NFKB1: variants seen among roughly 807,000 people sequenced by gnomAD.
NFKB1 encodes the protein nuclear factor kappa B subunit 1.
In NFKB1, 9 loss-of-function variants were observed where a neutral mutation model predicts 105.1. The ratio of observed to expected loss-of-function variants is 0.09; its 90% CI spans 0.05 to 0.15. NFKB1 has a LOEUF of 0.15. NFKB1 is among the 10% of genes least tolerant of loss of function. NFKB1 has a pLI of 1.00. For synonymous variants in NFKB1, 440 were observed against 442.2 expected (o/e 1.00, Z 0.06); for missense variants, 830 against 1,203.7 (o/e 0.69, Z 4.59).
rs768698948 is a variant in NFKB1, at chr4:102,579,012, G to T, written c.703G>T (p.Val235Leu). The change falls in exon 8 of 24, where the codon GTG becomes TTG. Residue 235 changes from valine (V) to leucine (L), a missense_variant. Coordinates refer to ENST00000226574, the MANE Select transcript of NFKB1 (RefSeq NM_003998.4). The stretch of plus-strand genomic sequence containing the variant: ...CAGCTTCACAAGGCGCCTGGAACCC[G>T]TGGTATCAGACGCCATCTATGACAG... ...TGSFTRRLEP[V>L]VSDAIYDSKA... 4 of 1,613,926 alleles carry T rather than the reference G, an allele frequency of 2.5e-6. No individual in the cohort carries two copies. The highest frequency in any genetic ancestry group is 2.2e-5 in the East Asian group (1 of 44,890).
intron 5 of NFKB1, among the ~76,000 whole-genome samples, chr4:102,545,931 G>A (rs758992733): frequency 3.9e-5 from 6 of 152,074 alleles, no homozygotes; most frequent in African/African-American, 1.2e-4. Flanking sequence ...ACGGCACAAC[G>A]TGGAAAACTG....
At chr4:102,572,761 G>A (rs1724488956) in intron 6 of NFKB1, among the ~76,000 whole-genome samples, 1 of 152,110 alleles carries the variant, frequency 6.6e-6, no homozygotes, top group Admixed American at 6.5e-5. Context: ...ATCTAAAACA[G>A]TCACTTATCT....
At chr4:102,542,881 A>G (rs1231156976) in intron 5 of NFKB1, among the ~76,000 whole-genome samples, 2 of 152,214 alleles carry the variant, frequency 1.3e-5, no homozygotes, top group African/African-American at 4.8e-5. Flanking sequence ...GCAAAAAATA[A>G]TATTCAGAGA....
At chr4:102,511,033 A>G in intron 1 of NFKB1, 5 of 933,628 alleles carry the variant, frequency 5.4e-6, no homozygotes, top group Non-Finnish European at 7.2e-6. Flanking sequence ...TAGGGGAAGC[A>G]TTGCTTGTTT....
chr4:102,576,758 A>G (rs1372269800), intron 6 of NFKB1, 118 bp from the exon 7 acceptor site: 2 of 1,077,328 alleles, frequency 1.9e-6, no homozygotes, highest in South Asian at 1.6e-5. Flanking sequence ...AGAGATTTGT[A>G]TAAAGCATTG....
chr4:102,597,462 C>T lies in NFKB1; in HGVS notation c.1496-58C>T. The T allele has an allele frequency of 1.9e-6, 3 of 1,541,150 alleles. No homozygotes were observed. In the East Asian group the frequency reaches 6.9e-5, roughly 35 times the overall value. ...CTGGTCAGTTTGTCCTTAAGCATGC[C>T]ATACCCATAAAACAAAAGTAGGAAC... On this transcript the variant is annotated intron_variant, in intron 14 of 23. Coordinates refer to ENST00000226574, the MANE Select transcript of NFKB1 (RefSeq NM_003998.4).
At chr4:102,604,973 TAA>T (rs70937553) in intron 16 of NFKB1, among the ~76,000 whole-genome samples, 1 of 146,238 alleles carries the variant, frequency 6.8e-6, no homozygotes, top group Admixed American at 6.8e-5. Flanking sequence ...AAGAAAATAT[TAA>T]AAAAAAAAAA....
At chr4:102,575,595 C>T (rs535591367) in intron 6 of NFKB1, among the ~76,000 whole-genome samples, 52 of 152,268 alleles carry the variant, frequency 3.4e-4, no homozygotes, top group Admixed American at 7.2e-4. Context: ...CGGCGTGGTC[C>T]TACCGCAGGA....
chr4:102,613,698 C>T, intron 23 of NFKB1, 117 bp downstream of exon 23: 1 of 1,181,650 alleles, frequency 8.5e-7, no homozygotes, highest in Non-Finnish European at 1.2e-6. Context: ...ATACACTTCC[C>T]TGTGTGTCTC....
chr4:102,558,031 C>CTTTTT (rs575415233), intron 5 of NFKB1, among the ~76,000 whole-genome samples: 1 of 130,878 alleles, frequency 7.6e-6, no homozygotes, highest in Non-Finnish European at 1.6e-5. Flanking sequence ...GATATCTAGC[C>CTTTTT]TTTTTTTTTT....
chr4:102,524,225 T>C (rs1305306136), intron 1 of NFKB1, among the ~76,000 whole-genome samples: 1 of 152,176 alleles, frequency 6.6e-6, no homozygotes, highest in Non-Finnish European at 1.5e-5. Context: ...TTAGATACTA[T>C]CTTTATCTGA....
At chr4:102,547,253 G>A (rs936097260) in intron 5 of NFKB1, among the ~76,000 whole-genome samples, 6 of 152,126 alleles carry the variant, frequency 3.9e-5, no homozygotes, top group African/African-American at 7.2e-5. Flanking sequence ...TTAAATGTGC[G>A]ACACTGAAAA....
chr4:102,600,980 A>G lies in NFKB1; in HGVS notation c.1723A>G (p.Ile575Val). Residue 575 changes from isoleucine (I) to valine (V), a missense_variant, in exon 16 of 24, where the codon ATT becomes GTT. By Grantham distance (29) the Ile-to-Val change is conservative. This residue lies in a region of NFKB1 where 418 missense variants were observed against 575.3 expected (regional missense o/e 0.73). Coordinates refer to ENST00000226574, the MANE Select transcript of NFKB1 (RefSeq NM_003998.4). ...CACATCTGGTTTGATTTCTGATGAC[A>G]TTATCAACATGAGAAATGATCTGTA... ...EVTSGLISDD[I>V]INMRNDLYQT... The G allele has an allele frequency of 6.2e-7, 1 of 1,606,158 alleles. No homozygotes were observed.
rs1436404980 is a variant in NFKB1, at chr4:102,607,661, G to A, written c.2137G>A (p.Val713Met). ...GCLLLEGDAH[V>M]DSTTYDGTTP... is the part of the protein sequence containing the mutation. ...GGCTGGATTGTAGGGTGATGCCCAT[G>A]TGGACAGTACTACCTACGATGGAAC... is the stretch of plus-strand genomic sequence containing the variant. The change falls in exon 19 of 24, where the codon GTG (valine) becomes ATG (methionine). Residue 713 changes from valine to methionine, a missense_variant. Physicochemically the swap from Val to Met is conservative, Grantham distance 21. This residue lies in a region of NFKB1 where 418 missense variants were observed against 575.3 expected (regional missense o/e 0.73). Transcript: ENST00000226574. 6.2e-7 allele frequency: 1 copy of A among 1,614,150 alleles called. No individual in the cohort carries two copies.
intron 17 of NFKB1, 72 bp from the exon 18 acceptor site, chr4:102,607,078 C>A: frequency 2.0e-6 from 3 of 1,511,070 alleles, no homozygotes; most frequent in Non-Finnish European, 2.8e-6. Flanking sequence ...TTGCCATTTC[C>A]TTCAGCTTCA....
Position 102,578,874 on chromosome 4 carries a change from G to A in NFKB1, c.572-7G>A, listed in dbSNP as rs543169492. The stretch of plus-strand genomic sequence containing the variant: ...GGGCATGAATGGACTGTGCTGTATG[G>A]CCCTAGATCGGGAAAAAGAGCTAAT... On this transcript the variant is annotated splice_region_variant and splice_polypyrimidine_tract_variant and intron_variant, in intron 7 of 23. Transcript: ENST00000226574. 6.2e-7 allele frequency: 1 copy of A among 1,614,040 alleles called. No homozygotes were observed. Among genetic ancestry groups the A allele is most frequent in the South Asian group, 1.1e-5 (1 of 91,082 alleles).
chr4:102,577,344 A>G (rs904321293), intron 7 of NFKB1, among the ~76,000 whole-genome samples: 3 of 152,146 alleles, frequency 2.0e-5, no homozygotes, highest in Non-Finnish European at 4.4e-5. Flanking sequence ...ATACCTTTGT[A>G]TGTGTCTTCC....
In NFKB1 at chr4:102,519,503, T is replaced by TA. The variant is rs564821901; in HGVS notation, c.-7-6002dup. On this transcript the variant is annotated intron_variant, in intron 1 of 23. Transcript: ENST00000226574. ...AGATAGACCAAAGAAAATTTTTTTT[T>TA]AAAAAAAGAACTATCACTTGAGTTA... 6.5e-3 allele frequency among the ~76,000 whole-genome samples: 979 copies of TA among 149,932 alleles called. 3 individuals are homozygous for TA. The highest frequency in any genetic ancestry group is 8.0e-3 in the Non-Finnish European group (532 of 66,866).
chr4:102,513,108 G>A (rs1739890241), intron 1 of NFKB1, among the ~76,000 whole-genome samples: 1 of 152,148 alleles, frequency 6.6e-6, no homozygotes, highest in African/African-American at 2.4e-5. Flanking sequence ...TGTTTTTAGG[G>A]AAGAAGAAAA....
Sources: gnomAD v4.1 joint callset for allele counts (sites outside exome capture counted in the v4.1 genomes callset) on GRCh38, gnomAD v4.1.1 for gene constraint, gnomAD v4.1.1 regional missense constraint, MANE v1.5 for transcripts, NCBI Gene and HGNC (gene_info 2026-07-23, HGNC 2026-07-21) for gene names.